PTPRE: variants seen among roughly 807,000 people sequenced by gnomAD.
PTPRE encodes the protein protein tyrosine phosphatase receptor type E.
In PTPRE, 51 loss-of-function variants were observed where a neutral mutation model predicts 102.0. The ratio of observed to expected loss-of-function variants is 0.50; its 90% CI spans 0.40 to 0.63. The LOEUF is 0.63. PTPRE is among the 30% of genes least tolerant of loss of function. PTPRE has a pLI of 0.00. For missense variants in PTPRE, 752 were observed against 915.1 expected, an observed-to-expected ratio of 0.82 and a Z score of 2.30; for synonymous variants, 345 against 348.2, an observed-to-expected ratio of 0.99 and a Z score of 0.10.
At chr10:128,082,023 C>T (rs533356683) in intron 20 of PTPRE, among the ~76,000 whole-genome samples, 1 of 152,210 alleles carries the variant, frequency 6.6e-6, no homozygotes, top group South Asian at 2.1e-4. Context: ...CGGCCCCAAA[C>T]TCACATATCC....
chr10:128,060,303 C>G (rs537770018), intron 7 of PTPRE, among the ~76,000 whole-genome samples: 2 of 152,236 alleles, frequency 1.3e-5, no homozygotes, highest in East Asian at 3.9e-4. Flanking sequence ...ACCCCACACA[C>G]AGAGCACTCC....
chr10:127,961,700 T>G (rs1849828750), intron 1 of PTPRE, among the ~76,000 whole-genome samples: 1 of 152,172 alleles, frequency 6.6e-6, no homozygotes, highest in Non-Finnish European at 1.5e-5. Context: ...CTCCCCAGCG[T>G]CTTGTCTGTC....
chr10:128,032,172 C>T lies in PTPRE; in HGVS notation c.-7-8703C>T, dbSNP rs187430988. ...CTGGGATTACAGGCGCCTGCCACCA[C>T]GTCTGGCTAATTTTTGTATTTTTAG... On this transcript the variant is annotated intron_variant, in intron 2 of 20. Transcript: ENST00000254667. Among the ~76,000 whole-genome samples, 310 of 152,142 alleles carry T rather than the reference C, an allele frequency of 2.0e-3. 1 individual carries two copies. The highest frequency in any genetic ancestry group is 2.4e-3 in the Non-Finnish European group (164 of 67,992).
At chr10:127,936,466 G>T (rs1484577407) in intron 1 of PTPRE, among the ~76,000 whole-genome samples, 3 of 152,166 alleles carry the variant, frequency 2.0e-5, no homozygotes, top group Admixed American at 2.0e-4. Flanking sequence ...GGGCTTGCCT[G>T]GACCGCTGGT....
chr10:128,000,439 G>T (rs1014911404), intron 2 of PTPRE, among the ~76,000 whole-genome samples: 4 of 152,150 alleles, frequency 2.6e-5, no homozygotes, highest in Non-Finnish European at 5.9e-5. Flanking sequence ...AAATTGGAGG[G>T]GAGATTTTCT....
chr10:127,972,259 C>G (rs923087490), intron 1 of PTPRE, among the ~76,000 whole-genome samples: 1 of 152,300 alleles, frequency 6.6e-6, no homozygotes, highest in East Asian at 1.9e-4. Context: ...GCCCAGGCAC[C>G]AAGGGCCCAG....
intron 1 of PTPRE, among the ~76,000 whole-genome samples, chr10:127,980,441 A>C (rs1334975234): frequency 6.6e-6 from 1 of 150,696 alleles, no homozygotes; most frequent in Non-Finnish European, 1.5e-5. Flanking sequence ...TACATAGACT[A>C]TTATGTCATT....
chr10:127,915,020 G>T (rs1380484652), intron 1 of PTPRE, among the ~76,000 whole-genome samples: 1 of 152,170 alleles, frequency 6.6e-6, no homozygotes, highest in Non-Finnish European at 1.5e-5. Flanking sequence ...CCTGAATATT[G>T]TGGATTTTTA....
Position 128,068,205 on chromosome 10 carries a change from C to T in PTPRE, c.926C>T (p.Thr309Ile). Residue 309 changes from threonine (T) to isoleucine (I), a missense_variant, in exon 12 of 21, where the codon ACC (threonine) becomes ATC (isoleucine). Transcript: ENST00000254667. The stretch of plus-strand genomic sequence containing the variant: ...TGGCCCGACTTCGGAGTGCCTTTTA[C>T]CCCCATTGGGATGCTGAAGTTCCTC... Reference protein sequence around the residue: ...TSWPDFGVPFTPIGMLKFLKK... With the variant: ...TSWPDFGVPFIPIGMLKFLKK... 3.7e-6 allele frequency: 6 copies of T among 1,614,136 alleles called. No individual in the cohort carries two copies. The highest frequency in any genetic ancestry group is 5.1e-6 in the Non-Finnish European group (6 of 1,179,970).
chr10:127,977,520 C>T (rs913288), intron 1 of PTPRE, among the ~76,000 whole-genome samples: 53,126 of 152,096 alleles, frequency 0.35, 9,661 homozygotes, highest in African/African-American at 0.44. Flanking sequence ...CTTGTGGCGC[C>T]TTAAGCCAAG....
At chr10:128,031,195 A>G (rs1428990464) in intron 2 of PTPRE, among the ~76,000 whole-genome samples, 1 of 152,222 alleles carries the variant, frequency 6.6e-6, no homozygotes, top group East Asian at 1.9e-4. Flanking sequence ...ATTTCTTTGA[A>G]ATCAAAAGTG....
chr10:128,001,371 A>T (rs1365572992), intron 2 of PTPRE, among the ~76,000 whole-genome samples: 1 of 152,230 alleles, frequency 6.6e-6, no homozygotes, highest in Non-Finnish European at 1.5e-5. Flanking sequence ...TAGTAAGTAA[A>T]GTGTAGGCAC....
intron 7 of PTPRE, among the ~76,000 whole-genome samples, chr10:128,057,694 T>C (rs1482725127): frequency 6.6e-6 from 1 of 152,162 alleles, no homozygotes; most frequent in Non-Finnish European, 1.5e-5. Context: ...ATTCAACACA[T>C]ATGTGTAGGG....
At chr10:128,050,443 T>C (rs1256695149) in intron 6 of PTPRE, among the ~76,000 whole-genome samples, 1 of 132,152 alleles carries the variant, frequency 7.6e-6, no homozygotes, top group Non-Finnish European at 1.6e-5. Context: ...GGTGGATGGA[T>C]GATGGATGGA....
chr10:128,019,271 TG>T (rs1374147862), intron 2 of PTPRE, among the ~76,000 whole-genome samples: 1 of 152,180 alleles, frequency 6.6e-6, no homozygotes, highest in Non-Finnish European at 1.5e-5. Flanking sequence ...TTTCCCCAGC[TG>T]GGGGAGTGAA....
At chr10:128,012,747 G>A (rs928601200) in intron 2 of PTPRE, among the ~76,000 whole-genome samples, 4 of 152,144 alleles carry the variant, frequency 2.6e-5, no homozygotes, top group African/African-American at 9.7e-5. Context: ...TTTTTCAAAA[G>A]GTTGGCACCA....
intron 1 of PTPRE, among the ~76,000 whole-genome samples, chr10:127,932,987 A>C (rs1847559859): frequency 6.6e-6 from 1 of 152,102 alleles, no homozygotes; most frequent in Admixed American, 6.5e-5. Context: ...CTCCATCTTT[A>C]AAGCCCGCCA....
intron 2 of PTPRE, among the ~76,000 whole-genome samples, chr10:128,013,478 C>T (rs538816857): frequency 6.6e-6 from 1 of 152,140 alleles, no homozygotes; most frequent in African/African-American, 2.4e-5. Flanking sequence ...GGGGCAGCAC[C>T]TGCTGAGAAA....
intron 1 of PTPRE, among the ~76,000 whole-genome samples, chr10:127,970,913 C>T (rs1201175441): frequency 6.6e-6 from 1 of 152,058 alleles, no homozygotes; most frequent in Non-Finnish European, 1.5e-5. Flanking sequence ...AATAAACCAT[C>T]CCTCCAGGTT....
Sources: allele counts gnomAD v4.1 joint callset (sites outside exome capture counted in the v4.1 genomes callset), GRCh38; gene constraint gnomAD v4.1.1; transcripts MANE v1.5; gene names NCBI Gene and HGNC (gene_info 2026-07-23, HGNC 2026-07-21).